DNAH9: variants seen among roughly 807,000 people sequenced by gnomAD.
DNAH9 encodes the protein DNAH9 variant protein.
DNAH9 carries 345 observed loss-of-function variants against 471.6 expected under a neutral mutation model. That is an observed-to-expected ratio of 0.73 (90% CI 0.67 to 0.80). The LOEUF is 0.80. DNAH9 is among the 30% of genes least tolerant of loss of function. The pLI is 0.00. For synonymous variants in DNAH9, 2,093 were observed against 2,123.6 expected, an observed-to-expected ratio of 0.99 and a Z score of 0.40; for missense variants, 5,407 against 5,609.2, an observed-to-expected ratio of 0.96 and a Z score of 1.15.
chr17:11,747,629 C>T lies in DNAH9; in HGVS notation c.6473C>T (p.Ser2158Leu). 1 of 1,614,132 alleles carries T rather than the reference C, an allele frequency of 6.2e-7. No individual in the cohort carries two copies. Among genetic ancestry groups the T allele is most frequent in the Non-Finnish European group, 8.5e-7 (1 of 1,180,016 alleles). Residue 2158 changes from serine to leucine, a missense_variant, in exon 32 of 69, where the codon TCA (serine) becomes TTA (leucine). Transcript: ENST00000262442. ...GTGGGTGGCGCTGGTACCGGCAAGT[C>T]ACAGGTGCTGAGGTCCTTGCACAAG... ...FVVGGAGTGKSQVLRSLHKTY... is the reference protein window; with the variant it reads ...FVVGGAGTGKLQVLRSLHKTY...
At chr17:11,942,537 G>A (rs1974963766) in intron 67 of DNAH9, 52 bp downstream of exon 67, 2 of 1,549,058 alleles carry the variant, frequency 1.3e-6, no homozygotes, top group African/African-American at 2.7e-5. Context: ...GGACACAGAT[G>A]GACCCCTATG....
At chr17:11,782,054 G>C (rs893928745) in intron 39 of DNAH9, among the ~76,000 whole-genome samples, 2 of 151,608 alleles carry the variant, frequency 1.3e-5, no homozygotes, top group African/African-American at 2.4e-5. Flanking sequence ...ACCGCATACT[G>C]AATCTGCTGC....
In DNAH9 at chr17:11,747,676, C is replaced by T. The variant is rs143563564; in HGVS notation, c.6520C>T (p.Arg2174Cys). The T allele has an allele frequency of 1.9e-5, 31 of 1,613,950 alleles. No homozygotes were observed. The highest frequency in any genetic ancestry group is 1.2e-4 in the African/African-American group (9 of 74,884). ...CAAGACCTATCAGATCATGAAACGG[C>T]GCCCCGTCTGGACTGACCTCAATCC... is the stretch of plus-strand genomic sequence containing the variant. The part of the protein sequence containing the change: ...LHKTYQIMKR[R>C]PVWTDLNPKA... The change falls in exon 32 of 69, where the codon CGC becomes TGC. Residue 2174 changes from arginine to cysteine, a missense_variant. Arg to Cys is a radical substitution (Grantham distance 180). Around this residue, in one of 3 missense-constraint regions of DNAH9, gnomAD observed 4,636 missense variants for 4,900.3 expected, o/e 0.95. Coordinates refer to ENST00000262442, the MANE Select transcript of DNAH9 (RefSeq NM_001372.4).
rs201163987 is a variant in DNAH9, at chr17:11,652,761, G to A, written c.2354G>A (p.Gly785Asp). 13 of 1,612,636 alleles carry A rather than the reference G, an allele frequency of 8.1e-6. No homozygotes were observed. The Admixed American group carries it at 2.0e-4, about 25-fold the overall frequency. ...TAATTATGTTTCTTTTGGGGAACAG[G>A]CATTTGCGATTATGTCACTGAAATC... ...AEETLNWKTE[G>D]ICDYVTEITS... Residue 785 changes from glycine to aspartate, a missense_variant and splice_region_variant, in exon 14 of 69, where the codon GGC (glycine) becomes GAC (aspartate). Physicochemically the swap from Gly to Asp is moderately conservative, Grantham distance 94 (BLOSUM62 -1). Around this residue, in one of 3 missense-constraint regions of DNAH9, gnomAD observed 4,636 missense variants for 4,900.3 expected, o/e 0.95. Coordinates refer to ENST00000262442, the MANE Select transcript of DNAH9 (RefSeq NM_001372.4).
chr17:11,737,704 C>G (rs2075369132), intron 28 of DNAH9, among the ~76,000 whole-genome samples: 1 of 152,194 alleles, frequency 6.6e-6, no homozygotes, highest in African/African-American at 2.4e-5. Flanking sequence ...CTGGGCCAAG[C>G]TTCAGGATAA....
chr17:11,698,798 C>G (rs543718391), intron 22 of DNAH9, among the ~76,000 whole-genome samples: 2 of 151,948 alleles, frequency 1.3e-5, no homozygotes, highest in Admixed American at 1.3e-4. Flanking sequence ...TCCCTCCTAG[C>G]ACTACAGCCC....
rs977292488 is a variant in DNAH9, at chr17:11,701,112, GT to G, written c.5026-8del. 2 of 1,613,940 alleles carry G rather than the reference GT, an allele frequency of 1.2e-6. No homozygotes were observed. Among genetic ancestry groups the G allele is most frequent in the Non-Finnish European group, 1.7e-6 (2 of 1,179,922 alleles). The stretch of plus-strand genomic sequence containing the variant: ...AGGCACCCAGTGTCTAACCTGAGTT[GT>G]TCTTTCAGGTAGAAATATGGCTGAA... On this transcript the variant is annotated splice_polypyrimidine_tract_variant and intron_variant, in intron 23 of 68. Coordinates refer to ENST00000262442, the MANE Select transcript of DNAH9 (RefSeq NM_001372.4).
intron 4 of DNAH9, among the ~76,000 whole-genome samples, chr17:11,615,012 T>C (rs2072712922): frequency 6.6e-6 from 1 of 152,160 alleles, no homozygotes; most frequent in Non-Finnish European, 1.5e-5. Flanking sequence ...AGAAGGGCTG[T>C]CTGGAGCCAG....
intron 3 of DNAH9, among the ~76,000 whole-genome samples, chr17:11,610,883 T>A (rs2072620237): frequency 6.6e-6 from 1 of 152,186 alleles, no homozygotes; most frequent in South Asian, 2.1e-4. Flanking sequence ...TGCTCCCTTC[T>A]CCTTGAGCAG....
intron 53 of DNAH9, among the ~76,000 whole-genome samples, chr17:11,876,913 A>G (rs1179859267): frequency 6.6e-6 from 1 of 151,610 alleles, no homozygotes; most frequent in Admixed American, 6.6e-5. Context: ...TTTTTAGTAG[A>G]GACCGGGTTT....
rs191109583 is a variant in DNAH9 at position 11,893,884 on chromosome 17, A to C, written c.11284-490A>C. On this transcript the variant is annotated intron_variant, in intron 58 of 68. Transcript: ENST00000262442. ...CCCAGAACTTAAAGTAAAAGAAAAG[A>C]AAATAAACTACTTATAGAAAGTTTA... Among the ~76,000 whole-genome samples, 11 of 152,338 alleles carry C rather than the reference A, an allele frequency of 7.2e-5. No homozygotes were observed. The South Asian group carries it at 8.3e-4, about 11-fold the overall frequency.
At position 11,891,925 on chromosome 17, in the gene DNAH9, A is replaced by G. The variant is rs1973064171; in HGVS notation, c.11261A>G (p.Tyr3754Cys). ...CTCTTTGAGTGTGATAAGCTGACCT[A>G]CCTTGCCCAGCTCACCTTTCAGGTA... ...RGLFECDKLT[Y>C]LAQLTFQILL... The change falls in exon 58 of 69, where the codon TAC becomes TGC. Residue 3754 changes from tyrosine to cysteine, a missense_variant. Transcript: ENST00000262442. 6.2e-7 allele frequency: 1 copy of G among 1,613,762 alleles called. No homozygotes were observed. The highest frequency in any genetic ancestry group is 1.1e-5 in the South Asian group (1 of 91,030).
intron 61 of DNAH9, among the ~76,000 whole-genome samples, chr17:11,907,956 G>A (rs975264170): frequency 1.3e-5 from 2 of 152,126 alleles, no homozygotes; most frequent in African/African-American, 4.8e-5. Flanking sequence ...GTCTATTCCT[G>A]ATATGAAAAA....
intron 50 of DNAH9, among the ~76,000 whole-genome samples, chr17:11,866,358 G>C (rs1972055569): frequency 6.6e-6 from 1 of 152,190 alleles, no homozygotes; most frequent in Non-Finnish European, 1.5e-5. Context: ...GAATGCTGCT[G>C]TCTGATTGTT....
intron 67 of DNAH9, among the ~76,000 whole-genome samples, chr17:11,950,857 A>G (rs1207531149): frequency 6.6e-6 from 1 of 152,166 alleles, no homozygotes; most frequent in East Asian, 1.9e-4. Flanking sequence ...ATCTGAGTTC[A>G]TCTTATCTGC....
chr17:11,897,499 C>T (rs770832113), intron 59 of DNAH9, among the ~76,000 whole-genome samples: 78 of 152,196 alleles, frequency 5.1e-4, no homozygotes, highest in Non-Finnish European at 9.8e-4. Flanking sequence ...CCTCATAGGA[C>T]AGTATGGTCC....
intron 15 of DNAH9, among the ~76,000 whole-genome samples, chr17:11,666,803 A>G (rs2073877262): frequency 6.6e-6 from 1 of 152,184 alleles, no homozygotes; most frequent in Admixed American, 6.5e-5. Context: ...TGTCCACCAA[A>G]CTGGAACACT....
intron 36 of DNAH9, among the ~76,000 whole-genome samples, chr17:11,767,750 A>AG: frequency 6.6e-6 from 1 of 152,170 alleles, no homozygotes; most frequent in East Asian, 1.9e-4. Flanking sequence ...TACACTGGGT[A>AG]TACAGCCCCA....
chr17:11,886,775 G>A, intron 56 of DNAH9, 50 bp from the exon 57 acceptor site: 1 of 1,555,468 alleles, frequency 6.4e-7, no homozygotes, highest in Non-Finnish European at 8.7e-7. Context: ...TTGATTCTCA[G>A]GAAGCCCAGG....
Sources: gnomAD v4.1 joint callset for allele counts (sites outside exome capture counted in the v4.1 genomes callset) on GRCh38, gnomAD v4.1.1 for gene constraint, gnomAD v4.1.1 regional missense constraint, MANE v1.5 for transcripts, NCBI Gene and HGNC (gene_info 2026-07-23, HGNC 2026-07-21) for gene names.